The following SCHIP1 variants were observed in gnomAD, a reference collection of about 807,000 sequenced individuals.
SCHIP1 encodes the protein schwannomin-interacting protein 1.
In SCHIP1, 8 loss-of-function variants were observed where a neutral mutation model predicts 29.7. The observed-to-expected ratio is 0.27, with a 90% confidence interval of 0.16 to 0.49. SCHIP1 has a LOEUF of 0.49. Among genes scored for constraint, SCHIP1 ranks in the 20% least tolerant of loss-of-function variants. SCHIP1 has a pLI of 0.99. For missense variants in SCHIP1, 193 were observed against 294.6 expected (o/e 0.66, Z 2.52); for synonymous variants, 76 against 94.9 (o/e 0.80, Z 1.16).
the SCHIP1 span, among the ~76,000 whole-genome samples, chr3:159,394,320 T>A: frequency 6.6e-6 from 1 of 152,080 alleles, no homozygotes; most frequent in South Asian, 2.1e-4. Context: ...TTCTCCTGCC[T>A]AATTGCTCTG....
At chr3:159,750,505 C>T in the SCHIP1 span, among the ~76,000 whole-genome samples, 7 of 151,604 alleles carry the variant, frequency 4.6e-5, no homozygotes, top group African/African-American at 2.4e-5. Flanking sequence ...CTTTATTGAG[C>T]GATAAACTTG....
At chr3:159,724,106 G>A in the SCHIP1 span, among the ~76,000 whole-genome samples, 1 of 152,066 alleles carries the variant, frequency 6.6e-6, no homozygotes, top group Admixed American at 6.5e-5. Context: ...ATTGTCTTAA[G>A]TTGCATATCT....
chr3:159,461,152 T>C, the SCHIP1 span, among the ~76,000 whole-genome samples: 1 of 152,158 alleles, frequency 6.6e-6, no homozygotes, highest in Admixed American at 6.6e-5. Context: ...TACTAGTTGA[T>C]TCTTGGTTAA....
At chr3:159,479,162 A>T in the SCHIP1 span, among the ~76,000 whole-genome samples, 1 of 152,182 alleles carries the variant, frequency 6.6e-6, no homozygotes, top group African/African-American at 2.4e-5. Flanking sequence ...GTATCATGCA[A>T]TGTTAATATC....
the SCHIP1 span, among the ~76,000 whole-genome samples, chr3:159,562,843 CTCTTA>C: frequency 3.0e-4 from 46 of 152,184 alleles, no homozygotes; most frequent in African/African-American, 9.9e-4. Flanking sequence ...CCTAGGAGGT[CTCTTA>C]TCTTGTTCTG....
the SCHIP1 span, among the ~76,000 whole-genome samples, chr3:159,762,872 T>TG: frequency 2.0e-5 from 3 of 152,242 alleles, no homozygotes; most frequent in African/African-American, 2.4e-5. Flanking sequence ...AGGCAGCGGA[T>TG]GTGCCAAGGG....
intron 1 of SCHIP1, among the ~76,000 whole-genome samples, chr3:159,852,537 C>A (rs574597570): frequency 1.2e-4 from 19 of 152,270 alleles, no homozygotes; most frequent in African/African-American, 4.3e-4. Context: ...TAAACAAAAC[C>A]AGAAGCCATG....
the SCHIP1 span, among the ~76,000 whole-genome samples, chr3:159,505,522 TGCA>T: frequency 6.6e-6 from 1 of 152,338 alleles, no homozygotes; most frequent in East Asian, 1.9e-4. Context: ...GTGCACAACG[TGCA>T]GGTTTGTTAC....
chr3:159,677,321 G>A, the SCHIP1 span, among the ~76,000 whole-genome samples: 1 of 152,168 alleles, frequency 6.6e-6, no homozygotes, highest in African/African-American at 2.4e-5. Flanking sequence ...GCCAGTGGAG[G>A]GGGGCTGTTG....
the SCHIP1 span, among the ~76,000 whole-genome samples, chr3:159,343,815 C>T: frequency 2.0e-5 from 3 of 152,188 alleles, no homozygotes; most frequent in East Asian, 1.9e-4. Context: ...TTAATCTGCA[C>T]GTCAGTGTGT....
chr3:159,460,469 G>A, the SCHIP1 span, among the ~76,000 whole-genome samples: 1 of 152,160 alleles, frequency 6.6e-6, no homozygotes. Context: ...GGTGGGTCTT[G>A]GAGAATAAGT....
the SCHIP1 span, among the ~76,000 whole-genome samples, chr3:159,732,972 G>T: frequency 6.6e-6 from 1 of 152,214 alleles, no homozygotes; most frequent in Non-Finnish European, 1.5e-5. Context: ...CACAGAGCAG[G>T]AGGTGGGGGT....
At chr3:159,774,199 GTAA>G in the SCHIP1 span, among the ~76,000 whole-genome samples, 100,119 of 151,558 alleles carry the variant, frequency 0.66, 33,542 homozygotes, top group East Asian at 0.99. Flanking sequence ...CAGGATAGTT[GTAA>G]TAATAATCAT....
chr3:159,304,174 T>C, the SCHIP1 span, among the ~76,000 whole-genome samples: 1 of 152,214 alleles, frequency 6.6e-6, no homozygotes, highest in East Asian at 1.9e-4. Flanking sequence ...CCTAAAATCA[T>C]AGTGTACTTA....
chr3:159,656,185 G>A, the SCHIP1 span, among the ~76,000 whole-genome samples: 1 of 152,170 alleles, frequency 6.6e-6, no homozygotes, highest in Admixed American at 6.5e-5. Flanking sequence ...CATTAAATGA[G>A]TACCTACGAT....
At chr3:159,471,374 T>C in the SCHIP1 span, among the ~76,000 whole-genome samples, 1 of 152,076 alleles carries the variant, frequency 6.6e-6, no homozygotes, top group East Asian at 1.9e-4. Flanking sequence ...AAGAGAAAGA[T>C]TCTTCAGTAA....
the SCHIP1 span, among the ~76,000 whole-genome samples, chr3:159,455,020 AG>A: frequency 6.6e-6 from 1 of 152,222 alleles, no homozygotes. Context: ...TACTTTGTTA[AG>A]GACGGAACCC....
the SCHIP1 span, among the ~76,000 whole-genome samples, chr3:159,510,287 C>G: frequency 6.6e-6 from 1 of 152,206 alleles, no homozygotes; most frequent in Non-Finnish European, 1.5e-5. Flanking sequence ...GCTTTCATCA[C>G]ATAGTTCTCG....
the SCHIP1 span, among the ~76,000 whole-genome samples, chr3:159,663,891 A>G: frequency 6.6e-6 from 1 of 152,228 alleles, no homozygotes; most frequent in South Asian, 2.1e-4. Flanking sequence ...ATTTCAACAC[A>G]ATATAGTAGG....
Sources: gnomAD v4.1 joint callset for allele counts (sites outside exome capture counted in the v4.1 genomes callset) on GRCh38, gnomAD v4.1.1 for gene constraint, MANE v1.5 for transcripts, NCBI Gene and HGNC (gene_info 2026-07-23, HGNC 2026-07-21) for gene names.